BACE2: variants seen among roughly 807,000 people sequenced by gnomAD.
BACE2 encodes beta-secretase 2.
A neutral mutation model predicts 46.2 loss-of-function variants in BACE2; 17 were observed. The observed-to-expected ratio is 0.37, with a 90% CI of 0.25 to 0.55. The LOEUF is 0.55. BACE2 is among the 20% of genes least tolerant of loss of function. BACE2 has a pLI of 0.82. For synonymous variants in BACE2, 277 were observed against 295.9 expected (o/e 0.94, Z 0.66); for missense variants, 595 against 698.1 (o/e 0.85, Z 1.66).
At chr21:41,249,772 A>G (rs1261432502) in intron 6 of BACE2, among the ~76,000 whole-genome samples, 1 of 152,136 alleles carries the variant, frequency 6.6e-6, no homozygotes, top group Non-Finnish European at 1.5e-5. Flanking sequence ...CAATAGACAC[A>G]TCAGATACAG....
At chr21:41,216,985 G>A (rs534640980) in intron 1 of BACE2, among the ~76,000 whole-genome samples, 10 of 152,286 alleles carry the variant, frequency 6.6e-5, no homozygotes, top group South Asian at 2.1e-4. Flanking sequence ...AGGCTGGAGC[G>A]CAGTGGTGCG....
chr21:41,215,258 G>A (rs1168016886), intron 1 of BACE2, among the ~76,000 whole-genome samples: 6 of 152,314 alleles, frequency 3.9e-5, no homozygotes, highest in Middle Eastern at 3.4e-3. Context: ...TTTGGGTTTT[G>A]CCATTTTTAG....
chr21:41,182,604 CA>C (rs1191515604), intron 1 of BACE2: 2 of 167,080 alleles, frequency 1.2e-5, no homozygotes, highest in Non-Finnish European at 2.9e-5. Flanking sequence ...ATAGACAAAT[CA>C]GTTTTACAAC....
At chr21:41,208,437 G>A (rs1055275911) in intron 1 of BACE2, among the ~76,000 whole-genome samples, 25 of 152,330 alleles carry the variant, frequency 1.6e-4, no homozygotes, top group African/African-American at 4.1e-4. Flanking sequence ...TGCTCCACTC[G>A]CCCAAGCCGG....
chr21:41,184,252 G>T (rs1985273771), intron 1 of BACE2: 1 of 167,070 alleles, frequency 6.0e-6, no homozygotes, highest in Admixed American at 6.5e-5. Context: ...CCCTGAAACA[G>T]AGCGGGATTT....
intron 2 of BACE2, among the ~76,000 whole-genome samples, chr21:41,227,972 G>T (rs1241297468): frequency 6.6e-6 from 1 of 152,140 alleles, no homozygotes; most frequent in Non-Finnish European, 1.5e-5. Flanking sequence ...CTTGGAGTTG[G>T]TCCAAACCCC....
At chr21:41,189,374 C>T (rs996205275) in intron 1 of BACE2, among the ~76,000 whole-genome samples, 5 of 152,300 alleles carry the variant, frequency 3.3e-5, no homozygotes, top group Non-Finnish European at 7.3e-5. Context: ...TGGTTCTTCT[C>T]TCCATTTTCA....
At chr21:41,212,010 C>G (rs1361350076) in intron 1 of BACE2, among the ~76,000 whole-genome samples, 1 of 152,232 alleles carries the variant, frequency 6.6e-6, no homozygotes, top group Non-Finnish European at 1.5e-5. Flanking sequence ...TTAGCTTTCT[C>G]GACCACTGTT....
chr21:41,205,127 G>A (rs999183677), intron 1 of BACE2, among the ~76,000 whole-genome samples: 5 of 152,254 alleles, frequency 3.3e-5, no homozygotes, highest in African/African-American at 9.6e-5. Context: ...ACTGTAAAAC[G>A]AAGATGAAAT....
At chr21:41,241,757 G>T in intron 3 of BACE2, 62 bp from the exon 4 acceptor site, 1 of 1,598,420 alleles carries the variant, frequency 6.3e-7, no homozygotes, top group South Asian at 1.1e-5. Flanking sequence ...CGTCTACACT[G>T]GGTGACCCAT....
At position 41,168,667 on chromosome 21, in the gene BACE2, C is replaced by G. The variant is rs917657187; in HGVS notation, c.312+92C>G. On this transcript the variant is annotated intron_variant, in intron 1 of 8. Transcript: ENST00000330333. ...GCCTCCACGCGGCTTAGCGTCGCCC[C>G]CAAAGCAGCAGCTGTCCCCGCACAG... 4 of 1,043,900 alleles carry G rather than the reference C, an allele frequency of 3.8e-6. No individual in the cohort carries two copies. In the Admixed American group the frequency reaches 1.7e-4, roughly 44 times the overall value. 64.7% of individuals were successfully genotyped at this position (1,043,900 alleles called of 1,614,324 possible). A position where few individuals can be genotyped will look rare whatever the true frequency, so the allele number is the denominator to read the frequency against.
At chr21:41,214,815 C>T (rs945867444) in intron 1 of BACE2, among the ~76,000 whole-genome samples, 14 of 152,164 alleles carry the variant, frequency 9.2e-5, no homozygotes, top group Non-Finnish European at 1.9e-4. Context: ...TCATGGAGGG[C>T]GCACTGTGCT....
At chr21:41,264,274 T>C (rs1400368081) in intron 8 of BACE2, among the ~76,000 whole-genome samples, 2 of 152,050 alleles carry the variant, frequency 1.3e-5, no homozygotes, top group Admixed American at 6.6e-5. Flanking sequence ...CTAGAAATTG[T>C]ATCTCATACT....
At chr21:41,265,181 T>TC (rs1988036272) in intron 8 of BACE2, among the ~76,000 whole-genome samples, 1 of 152,126 alleles carries the variant, frequency 6.6e-6, no homozygotes. Context: ...TCCTTTTTTT[T>TC]TTTTTTCAAG....
At chr21:41,260,235 C>T (rs1308332001) in intron 8 of BACE2, among the ~76,000 whole-genome samples, 1 of 152,190 alleles carries the variant, frequency 6.6e-6, no homozygotes, top group Non-Finnish European at 1.5e-5. Flanking sequence ...GCCTTCACCT[C>T]CCAGGCTCAA....
At chr21:41,219,513 C>G (rs184369123) in intron 1 of BACE2, among the ~76,000 whole-genome samples, 30 of 152,256 alleles carry the variant, frequency 2.0e-4, no homozygotes, top group Admixed American at 3.3e-4. Context: ...TTCTGATATG[C>G]CTGCCCCCTT....
At chr21:41,174,199 G>A (rs186747285) in intron 1 of BACE2, among the ~76,000 whole-genome samples, 5 of 135,350 alleles carry the variant, frequency 3.7e-5, no homozygotes, top group Non-Finnish European at 7.6e-5. Flanking sequence ...CTGGAGTACA[G>A]TGGCCTGATC....
chr21:41,210,825 A>G (rs914181), intron 1 of BACE2, among the ~76,000 whole-genome samples: 49,675 of 152,076 alleles, frequency 0.33, 8,818 homozygotes, highest in Middle Eastern at 0.46. Flanking sequence ...GAGGCATGTC[A>G]CATGGATGTT....
At chr21:41,242,339 TTCTC>T (rs56942862) in intron 4 of BACE2, among the ~76,000 whole-genome samples, 5 of 148,866 alleles carry the variant, frequency 3.4e-5, no homozygotes, top group African/African-American at 4.9e-5. Flanking sequence ...TGTAGATCCT[TTCTC>T]TCTCTCTCTC....
Sources: allele counts gnomAD v4.1 joint callset (sites outside exome capture counted in the v4.1 genomes callset), GRCh38; gene constraint gnomAD v4.1.1; transcripts MANE v1.5; gene names NCBI Gene and HGNC (gene_info 2026-07-23, HGNC 2026-07-21).